Variants in IFNGR1 observed in about 807,000 individuals in gnomAD.
The protein encoded by IFNGR1 is AVP, type 2.
In IFNGR1, 23 loss-of-function variants were observed where a neutral mutation model predicts 35.4. The observed-to-expected ratio is 0.65, with a 90% CI of 0.47 to 0.92. The LOEUF is 0.92. IFNGR1 is among the 40% of genes least tolerant of loss of function. The pLI, the probability that IFNGR1 is intolerant of heterozygous loss-of-function variation, is 0.00. For synonymous variants in IFNGR1, 199 were observed against 209.5 expected, an observed-to-expected ratio of 0.95 and a Z score of 0.43; for missense variants, 533 against 583.4, an observed-to-expected ratio of 0.91 and a Z score of 0.89.
At chr6:137,198,691 T>C in intron 6 of IFNGR1, 52 bp from the exon 7 acceptor site, 1 of 1,443,538 alleles carries the variant, frequency 6.9e-7, no homozygotes, top group Non-Finnish European at 9.6e-7. Context: ...CTTAAGTGCC[T>C]ACCCTCAAAA....
At chr6:137,209,458 G>A (rs1396754065) in intron 1 of IFNGR1, among the ~76,000 whole-genome samples, 1 of 152,170 alleles carries the variant, frequency 6.6e-6, no homozygotes, top group Non-Finnish European at 1.5e-5. Context: ...CCTGGGGGAA[G>A]TAATTGAATC....
At chr6:137,198,941 G>A (rs1378885405) in intron 6 of IFNGR1, among the ~76,000 whole-genome samples, 1 of 152,210 alleles carries the variant, frequency 6.6e-6, no homozygotes, top group Non-Finnish European at 1.5e-5. Flanking sequence ...GATCCTGGGT[G>A]TGTCTGTGAG....
intron 3 of IFNGR1, among the ~76,000 whole-genome samples, chr6:137,205,614 A>G (rs1779409411): frequency 6.6e-6 from 1 of 152,184 alleles, no homozygotes; most frequent in South Asian, 2.1e-4. Flanking sequence ...ATAACTTACA[A>G]ATGAATGACA....
chr6:137,208,572 T>C lies in IFNGR1; in HGVS notation c.86-1495A>G, dbSNP rs538103516. On this transcript the variant is annotated intron_variant, in intron 1 of 6. Transcript: ENST00000367739. ...AGAGGCCAACATATAGCTCAGGCTG[T>C]GGCTTCGGAGGGTGGAAGTCACAAG... Among the ~76,000 whole-genome samples, 5 of 152,358 alleles carry C rather than the reference T, an allele frequency of 3.3e-5. No individual in the cohort carries two copies. The South Asian group carries it at 1.0e-3, about 32-fold the overall frequency.
At chr6:137,203,442 G>A (rs112078382) in intron 5 of IFNGR1, 57 bp downstream of exon 5, 25 of 892,766 alleles carry the variant, frequency 2.8e-5, no homozygotes, top group African/African-American at 2.1e-4. Context: ...TTCCTCACAT[G>A]ATCCTATTTT....
chr6:137,199,499 A>AAATATATAATTTATAATATTATATAT lies in IFNGR1; in HGVS notation c.862-861_862-860insATATATAATATTATAAATTATATATT, dbSNP rs1779201711. ...TATATAATTTATAATATATTATATA[A>AAATATATAATTTATAATATTATATAT]AATATATAATTTATAATATATTATA... On this transcript the variant is annotated intron_variant, in intron 6 of 6. Coordinates refer to ENST00000367739, the MANE Select transcript of IFNGR1 (RefSeq NM_000416.3). Among the ~76,000 whole-genome samples the AAATATATAATTTATAATATTATATAT allele has an allele frequency of 1.8e-3, 39 of 21,934 alleles. 4 individuals carry two copies. Among genetic ancestry groups the AAATATATAATTTATAATATTATATAT allele is most frequent in the Admixed American group, 5.7e-3 (6 of 1,056 alleles). 14.4% of individuals were successfully genotyped at this position (21,934 alleles called of 152,430 possible).
chr6:137,213,620 G>C (rs1232370018), intron 1 of IFNGR1, among the ~76,000 whole-genome samples: 2 of 152,234 alleles, frequency 1.3e-5, no homozygotes, highest in East Asian at 1.9e-4. Flanking sequence ...GACCAGTGAA[G>C]ATCAGCAGGT....
Position 137,219,383 on chromosome 6 carries a change from A to AGCCCCGCG in IFNGR1, c.-57_-56insCGCGGGGC. ...CGAGCGCCTGCGGGACCAGCCCAGC[A>AGCCCCGCG]CTGCCCTCCAGCCCCGGCCTTACGT... On this transcript the variant is annotated 5_prime_UTR_variant, in exon 1 of 7. Coordinates refer to ENST00000367739, the MANE Select transcript of IFNGR1 (RefSeq NM_000416.3). The AGCCCCGCG allele has an allele frequency of 3.8e-6, 6 of 1,562,046 alleles. No individual in the cohort carries two copies. Among genetic ancestry groups the AGCCCCGCG allele is most frequent in the Non-Finnish European group, 5.2e-6 (6 of 1,153,300 alleles).
chr6:137,213,539 A>G (rs1779622333), intron 1 of IFNGR1, among the ~76,000 whole-genome samples: 1 of 152,240 alleles, frequency 6.6e-6, no homozygotes, highest in African/African-American at 2.4e-5. Flanking sequence ...CCCTGGTTAA[A>G]GCCAACTGTT....
chr6:137,211,253 G>A (rs1223919760), intron 1 of IFNGR1, among the ~76,000 whole-genome samples: 6 of 151,896 alleles, frequency 4.0e-5, no homozygotes, highest in Non-Finnish European at 8.8e-5. Context: ...GAGAAACCCT[G>A]CTTTATGTTT....
intron 6 of IFNGR1, among the ~76,000 whole-genome samples, chr6:137,199,575 A>C (rs798244): frequency 9.0e-6 from 1 of 110,812 alleles, no homozygotes; most frequent in East Asian, 2.3e-4. Context: ...ATAATATATA[A>C]TATATAAAAT....
chr6:137,209,817 T>C (rs1779534062), intron 1 of IFNGR1: 1 of 398,618 alleles, frequency 2.5e-6, no homozygotes, highest in African/African-American at 2.1e-5. Flanking sequence ...ATTTATGCCT[T>C]CCACACTTTT....
At chr6:137,207,682 T>C (rs147019595) in intron 1 of IFNGR1, among the ~76,000 whole-genome samples, 1 of 152,336 alleles carries the variant, frequency 6.6e-6, no homozygotes, top group East Asian at 1.9e-4. Flanking sequence ...ATGTAAGAAG[T>C]GCCTTTCTCC....
rs1232286874 is a variant in IFNGR1 at position 137,199,507 on chromosome 6, A to AT, written c.862-869_862-868insA. 3.0e-5 allele frequency among the ~76,000 whole-genome samples: 3 copies of AT among 101,410 alleles called. 1 individual carries two copies. The highest frequency in any genetic ancestry group is 2.4e-4 in the South Asian group (1 of 4,106). 66.5% of individuals were successfully genotyped at this position (101,410 alleles called of 152,430 possible). A position where few individuals can be genotyped will look rare whatever the true frequency, so the allele number is the denominator to read the frequency against. On this transcript the variant is annotated intron_variant, in intron 6 of 6. Coordinates refer to ENST00000367739, the MANE Select transcript of IFNGR1 (RefSeq NM_000416.3). ...TTATAATATATTATATAAAATATATAATTTATAATATATTATATATAATAT... is the reference window on the plus strand; with the variant it reads ...TTATAATATATTATATAAAATATATATATTTATAATATATTATATATAATAT...
At chr6:137,214,584 T>C (rs1001825002) in intron 1 of IFNGR1, among the ~76,000 whole-genome samples, 9 of 152,234 alleles carry the variant, frequency 5.9e-5, no homozygotes, top group Non-Finnish European at 8.8e-5. Context: ...CACCACCAAG[T>C]TGGGGCTTAT....
chr6:137,199,365 TTATA>T (rs1258061506), intron 6 of IFNGR1, among the ~76,000 whole-genome samples: 1 of 130,438 alleles, frequency 7.7e-6, no homozygotes, highest in African/African-American at 2.9e-5. Flanking sequence ...TTATAATATA[TTATA>T]TAAAATATAA....
chr6:137,215,229 A>G (rs1352189780), intron 1 of IFNGR1: 2 of 1,538,504 alleles, frequency 1.3e-6, no homozygotes, highest in African/African-American at 2.8e-5. Context: ...TGCTTCCAAC[A>G]TCTTTGTGAT....
At chr6:137,205,092 T>C (rs1683606904) in intron 3 of IFNGR1, among the ~76,000 whole-genome samples, 1 of 152,208 alleles carries the variant, frequency 6.6e-6, no homozygotes, top group Non-Finnish European at 1.5e-5. Flanking sequence ...CCCAGTATAC[T>C]TTCCGGCACG....
chr6:137,213,504 T>C lies in IFNGR1; in HGVS notation c.85+5739A>G, dbSNP rs186988029. Among the ~76,000 whole-genome samples, 24 of 152,090 alleles carry C rather than the reference T, an allele frequency of 1.6e-4. 2 individuals are homozygous for C. In the East Asian group the frequency reaches 3.5e-3, roughly 22 times the overall value. ...AATTTGTTTTTCCTAACACTTTAAT[T>C]ACAATGCAGAAAAAAAAAGGAGGGC... is the stretch of plus-strand genomic sequence containing the variant. On this transcript the variant is annotated intron_variant, in intron 1 of 6. Coordinates refer to ENST00000367739, the MANE Select transcript of IFNGR1 (RefSeq NM_000416.3).
Sources: allele counts gnomAD v4.1 joint callset (sites outside exome capture counted in the v4.1 genomes callset), GRCh38; gene constraint gnomAD v4.1.1; transcripts MANE v1.5; gene names NCBI Gene and HGNC (gene_info 2026-07-23, HGNC 2026-07-21).